VASH2: variants seen among roughly 807,000 people sequenced by gnomAD.
VASH2 encodes tubulinyl-Tyr carboxypeptidase 2.
In VASH2, 28 loss-of-function variants were observed where a neutral mutation model predicts 37.2. The ratio of observed to expected loss-of-function variants is 0.75; its 90% CI spans 0.56 to 1.03. The LOEUF is 1.03. VASH2 is among the 50% of genes least tolerant of loss of function. The pLI is 0.00. For synonymous variants in VASH2, 188 were observed against 174.7 expected, an observed-to-expected ratio of 1.08 and a Z score of -0.60; for missense variants, 419 against 459.1, an observed-to-expected ratio of 0.91 and a Z score of 0.80.
intron 5 of VASH2, among the ~76,000 whole-genome samples, chr1:212,970,150 T>C (rs1408113290): frequency 1.3e-5 from 2 of 152,218 alleles, no homozygotes; most frequent in Non-Finnish European, 2.9e-5. Flanking sequence ...GGAGGCTGGA[T>C]GCCAGAAAGA....
chr1:212,974,131 T>C, intron 7 of VASH2, 61 bp downstream of exon 7: 1 of 1,515,334 alleles, frequency 6.6e-7, no homozygotes, highest in South Asian at 1.3e-5. Flanking sequence ...GGGGTTGTCC[T>C]GGCCCATGGG....
At chr1:212,965,694 T>C in intron 3 of VASH2, 28 bp from the exon 4 acceptor site, 3 of 1,542,210 alleles carry the variant, frequency 1.9e-6, no homozygotes, top group Non-Finnish European at 2.6e-6. Flanking sequence ...GAGTTTTCTG[T>C]CACTTTCCCT....
intron 6 of VASH2, chr1:212,973,446 A>T: frequency 7.7e-7 from 1 of 1,291,072 alleles, no homozygotes; most frequent in Non-Finnish European, 1.0e-6. Context: ...CACTAAGAGA[A>T]AAGGATTATG....
At chr1:212,984,146 G>A (rs1667410722) in intron 7 of VASH2, among the ~76,000 whole-genome samples, 1 of 152,202 alleles carries the variant, frequency 6.6e-6, no homozygotes, top group Non-Finnish European at 1.5e-5. Context: ...GAAAACTGGT[G>A]CAAGTGCGAG....
chr1:212,983,953 C>T (rs1256199851), intron 7 of VASH2, among the ~76,000 whole-genome samples: 2 of 152,208 alleles, frequency 1.3e-5, no homozygotes, highest in African/African-American at 4.8e-5. Flanking sequence ...AGCAAATTCC[C>T]TACCTTTCAG....
chr1:212,974,129 C>T, intron 7 of VASH2, 59 bp downstream of exon 7: 2 of 1,523,230 alleles, frequency 1.3e-6, no homozygotes, highest in African/African-American at 1.4e-5. Context: ...AAGGGGTTGT[C>T]CTGGCCCATG....
At position 212,985,198 on chromosome 1, in the gene VASH2, CTTTTTT is replaced by C. The variant is rs55804989; in HGVS notation, c.996-3296_996-3291del. Among the ~76,000 whole-genome samples, 84 of 100,800 alleles carry C rather than the reference CTTTTTT, an allele frequency of 8.3e-4. 1 individual carries two copies. Among genetic ancestry groups the C allele is most frequent in the South Asian group, 3.8e-3 (12 of 3,122 alleles). 66.1% of individuals were successfully genotyped at this position (100,800 alleles called of 152,430 possible). A position where few individuals can be genotyped will look rare whatever the true frequency, so the allele number is the denominator to read the frequency against. On this transcript the variant is annotated intron_variant, in intron 7 of 7. Transcript: ENST00000517399. Reference sequence around the variant, plus strand: ...CACCATGTCTGGCTAATTTTTTTTGCTTTTTTTTTTTTTTTTTTTTTTTGTAGAGAT... The same window carrying C: ...CACCATGTCTGGCTAATTTTTTTTGCTTTTTTTTTTTTTTTTTGTAGAGAT...
rs1325826070 is a variant in VASH2 at position 212,972,484 on chromosome 1, T to G, written c.498-96T>G. 3.4e-6 allele frequency: 5 copies of G among 1,469,816 alleles called. No homozygotes were observed. The African/African-American group carries it at 7.1e-5, about 21-fold the overall frequency. 91.0% of individuals were successfully genotyped at this position (1,469,816 alleles called of 1,614,324 possible). On this transcript the variant is annotated intron_variant, in intron 5 of 7. Coordinates refer to ENST00000517399, the MANE Select transcript of VASH2 (RefSeq NM_001301056.2). ...GTGGGCCTGCTCAGAGGCAGGGGGA[T>G]GGACTCACTGAACCCTGAGACACTT...
rs555739087 is a variant in VASH2 at position 212,971,678 on chromosome 1, T to G, written c.498-902T>G. 1.5e-4 allele frequency among the ~76,000 whole-genome samples: 23 copies of G among 152,180 alleles called. No individual in the cohort carries two copies. The highest frequency in any genetic ancestry group is 2.8e-4 in the Non-Finnish European group (19 of 68,034). Reference sequence around the variant, plus strand: ...AGCAAGTACAAAACTGCTTTCTTTCTAGAGAGTGGAGGCATCCGTGATTAA... The same window carrying G: ...AGCAAGTACAAAACTGCTTTCTTTCGAGAGAGTGGAGGCATCCGTGATTAA... On this transcript the variant is annotated intron_variant, in intron 5 of 7. Coordinates refer to ENST00000517399, the MANE Select transcript of VASH2 (RefSeq NM_001301056.2). The surrounding 1 kb of genome is among the most constrained non-coding windows in gnomAD (Gnocchi z 4.0).
chr1:212,956,445 G>C (rs59764067), intron 2 of VASH2, among the ~76,000 whole-genome samples: 1 of 151,640 alleles, frequency 6.6e-6, no homozygotes, highest in Admixed American at 6.6e-5. Flanking sequence ...GCCTGGCCAC[G>C]GCTGTGGGGC....
At chr1:212,972,470 C>T in intron 5 of VASH2, 110 bp from the exon 6 acceptor site, 1 of 1,368,352 alleles carries the variant, frequency 7.3e-7, no homozygotes, top group Non-Finnish European at 1.0e-6. Context: ...TGGGCCTGCT[C>T]AGAGGCAGGG....
At chr1:212,966,797 AGCTCGCT>A (rs1339909174) in intron 5 of VASH2, among the ~76,000 whole-genome samples, 1 of 152,238 alleles carries the variant, frequency 6.6e-6, no homozygotes, top group African/African-American at 2.4e-5. Flanking sequence ...ATATGATCTC[AGCTCGCT>A]GCAACTTCCG....
chr1:212,973,858 A>G (rs1667093649), intron 6 of VASH2, 97 bp from the exon 7 acceptor site: 2 of 1,483,296 alleles, frequency 1.3e-6, no homozygotes, highest in African/African-American at 1.4e-5. Flanking sequence ...CCATGGCATC[A>G]TGATTGGGCT....
Position 212,990,755 on chromosome 1 carries a change from T to C in VASH2, c.*2171T>C, listed in dbSNP as rs2075850563. 6.6e-6 allele frequency: 1 copy of C among 152,196 alleles called. No individual in the cohort carries two copies. Among genetic ancestry groups the C allele is most frequent in the Non-Finnish European group, 1.5e-5 (1 of 68,030 alleles). The allele number at this position is 152,196 out of a possible 1,614,324, so 9.4% of individuals were successfully genotyped here. A position where few individuals can be genotyped will look rare whatever the true frequency, so the allele number is the denominator to read the frequency against. On this transcript the variant is annotated 3_prime_UTR_variant, in exon 8 of 8. Coordinates refer to ENST00000517399, the MANE Select transcript of VASH2 (RefSeq NM_001301056.2). ...CCCGCTCCTTGATTTTTAGACTAAT[T>C]TTCCCAAAGCAAGGTTTAGTCACAC...
intron 3 of VASH2, among the ~76,000 whole-genome samples, chr1:212,963,406 C>A (rs1666737838): frequency 6.6e-6 from 1 of 152,162 alleles, no homozygotes; most frequent in Admixed American, 6.5e-5. Context: ...TATTTAGTTC[C>A]TTGGGACTTC....
intron 7 of VASH2, among the ~76,000 whole-genome samples, chr1:212,983,752 T>G (rs980478482): frequency 6.6e-6 from 1 of 152,148 alleles, no homozygotes; most frequent in Non-Finnish European, 1.5e-5. Flanking sequence ...GGGGAGAGCA[T>G]TCTAGACAGG....
intron 7 of VASH2, among the ~76,000 whole-genome samples, chr1:212,984,407 T>C (rs1361607593): frequency 6.6e-6 from 1 of 152,154 alleles, no homozygotes; most frequent in Non-Finnish European, 1.5e-5. Context: ...ATGACAGGGA[T>C]GAGCGGGTGG....
chr1:212,967,408 A>G (rs1472495450), intron 5 of VASH2: 11 of 1,192,746 alleles, frequency 9.2e-6, no homozygotes, highest in Non-Finnish European at 1.1e-6. Context: ...AGATGCTCCG[A>G]AGTCCTATGG....
chr1:212,981,713 G>A (rs553272198), intron 7 of VASH2, among the ~76,000 whole-genome samples: 87 of 152,268 alleles, frequency 5.7e-4, no homozygotes, highest in African/African-American at 2.0e-3. Flanking sequence ...AGCACCTGCC[G>A]GCACACGTAC....
Sources: allele counts gnomAD v4.1 joint callset (sites outside exome capture counted in the v4.1 genomes callset), GRCh38; gene constraint gnomAD v4.1.1; non-coding constraint Gnocchi (gnomAD v3.1); transcripts MANE v1.5; gene names NCBI Gene and HGNC (gene_info 2026-07-23, HGNC 2026-07-21).